Variants in ZNF416 observed in about 807,000 individuals in gnomAD.
ZNF416 encodes the protein zinc finger protein 416.
In ZNF416, 5 loss-of-function variants were observed where a neutral mutation model predicts 10.9. That is an observed-to-expected ratio of 0.46 (90% CI 0.24 to 0.97). The LOEUF is 0.97. Among genes scored for constraint, ZNF416 ranks in the 50% least tolerant of loss-of-function variants. The pLI is 0.19. For missense variants in ZNF416, 675 were observed against 715.0 expected (o/e 0.94, Z 0.64); for synonymous variants, 267 against 251.8 (o/e 1.06, Z -0.57).
In ZNF416 at chr19:57,573,094, A is replaced by T; in HGVS notation, c.810T>A (p.Tyr270Ter). 6.2e-7 allele frequency: 1 copy of T among 1,614,210 alleles called. No individual in the cohort carries two copies. The highest frequency in any genetic ancestry group is 8.5e-7 in the Non-Finnish European group (1 of 1,180,042). The change falls in exon 4 of 4, where the codon TAT becomes TAA. Residue 270 changes from tyrosine (Y) to a stop codon, truncating the protein, a stop_gained. Coordinates refer to ENST00000196489, the MANE Select transcript of ZNF416 (RefSeq NM_017879.3). LOFTEE classifies it low-confidence loss of function (END_TRUNC). ...LQRVHPGERP[Y>*]ECSECGKSFS... ...AAGATTTCCCACATTCACTGCACTC[A>T]TAAGGCCTTTCTCCAGGGTGGACTC...
rs773485756 is a variant in ZNF416 at position 57,575,770 on chromosome 19, G to A, written c.202+34C>T. ...TCTGAGGAAAAAGAGGATAGACGAA[G>A]ACCAGGACACGAGAGTGGGTGTGAG... On this transcript the variant is annotated intron_variant, in intron 3 of 3. Coordinates refer to ENST00000196489, the MANE Select transcript of ZNF416 (RefSeq NM_017879.3). This position sits in a 1 kb window ranked among gnomAD's most constrained non-coding sequence, Gnocchi z 4.4. The A allele has an allele frequency of 6.2e-7, 1 of 1,613,784 alleles. No homozygotes were observed. Among genetic ancestry groups the A allele is most frequent in the Non-Finnish European group, 8.5e-7 (1 of 1,179,754 alleles).
Position 57,573,438 on chromosome 19 carries a change from C to A in ZNF416, c.466G>T (p.Ala156Ser), listed in dbSNP as rs749086020. Residue 156 changes from alanine to serine, a missense_variant, in exon 4 of 4, where the codon GCC (alanine) becomes TCC (serine). Ala to Ser is a moderately conservative substitution (Grantham distance 99, BLOSUM62 1). Coordinates refer to ENST00000196489, the MANE Select transcript of ZNF416 (RefSeq NM_017879.3). Reference protein sequence around the residue: ...EKPLESDMDKASFVQCCLFHE... With the variant: ...EKPLESDMDKSSFVQCCLFHE... ...AACAGGCAGCACTGCACAAATGAGG[C>A]CTTGTCCATGTCACTTTCCAAGGGT... 6.2e-7 allele frequency: 1 copy of A among 1,614,256 alleles called. No individual in the cohort carries two copies. Among genetic ancestry groups the A allele is most frequent in the Admixed American group, 1.7e-5 (1 of 60,030 alleles).
In ZNF416 at chr19:57,572,982, T is replaced by C. The variant is rs764345787; in HGVS notation, c.922A>G (p.Ser308Gly). 2.2e-5 allele frequency: 36 copies of C among 1,614,068 alleles called. No individual in the cohort carries two copies. In the East Asian group the frequency reaches 7.8e-4, roughly 35 times the overall value. The change falls in exon 4 of 4, where the codon AGC (serine) becomes GGC (glycine). Residue 308 changes from serine (S) to glycine (G), a missense_variant. Transcript: ENST00000196489. This position sits in a 1 kb window ranked among gnomAD's most constrained non-coding sequence, Gnocchi z 4.5. The stretch of plus-strand genomic sequence containing the variant: ...TGTTTAATGAGGGTGGCTCTTTGGC[T>C]AAATGATTTCCCACACTGACCACAC... The part of the protein sequence containing the change: ...YVCGQCGKSF[S>G]QRATLIKHHR...
At position 57,573,633 on chromosome 19, in the gene ZNF416, C is replaced by T. The variant is rs1568607229; in HGVS notation, c.271G>A (p.Val91Ile). ...GATGGACTGGCCTCTGGAGTCCTGA[C>T]CTGAGGTACTCCTTCTACAGAAACA... ...QSVSVEGVPQ[V>I]RTPEASPSTQ... The change falls in exon 4 of 4, where the codon GTC becomes ATC. Residue 91 changes from valine to isoleucine, a missense_variant. Transcript: ENST00000196489. 26 of 1,614,182 alleles carry T rather than the reference C, an allele frequency of 1.6e-5. No individual in the cohort carries two copies. Among genetic ancestry groups the T allele is most frequent in the Non-Finnish European group, 2.0e-5 (24 of 1,180,036 alleles).
At position 57,572,101 on chromosome 19, in the gene ZNF416, G is replaced by C. The variant is rs779264552; in HGVS notation, c.*18C>G. 6.2e-7 allele frequency: 1 copy of C among 1,601,174 alleles called. No individual in the cohort carries two copies. The highest frequency in any genetic ancestry group is 8.5e-7 in the Non-Finnish European group (1 of 1,170,728). On this transcript the variant is annotated 3_prime_UTR_variant, in exon 4 of 4. Transcript: ENST00000196489. The surrounding 1 kb of genome is among the most constrained non-coding windows in gnomAD (Gnocchi z 4.5). The stretch of plus-strand genomic sequence containing the variant: ...CCCTGCAGGTCTAAGGCTTTTCTCA[G>C]GTTTGGAGTTTCAAGAGTTAAACAA...
At chr19:57,578,204 A>G in intron 1 of ZNF416, 106 bp from the exon 2 acceptor site, 7 of 1,128,448 alleles carry the variant, frequency 6.2e-6, no homozygotes, top group Non-Finnish European at 9.4e-6. Context: ...TGACTTGGTG[A>G]TGACTAAATT....
rs745482213 is a variant in ZNF416 at position 57,578,842 on chromosome 19, T to A, written c.-138A>T. ...CGCTCTGTGCCGGAGGCAGCGTTTC[T>A]AACTCAGGCGGCGTGGGCCGAGGTA... On this transcript the variant is annotated 5_prime_UTR_variant, in exon 1 of 4. It removes the in-frame stop codon of an upstream open reading frame in the 5' UTR. Transcript: ENST00000196489. 2.5e-4 allele frequency: 219 copies of A among 868,054 alleles called. No homozygotes were observed. Among genetic ancestry groups the A allele is most frequent in the Middle Eastern group, 3.8e-4 (1 of 2,612 alleles). 53.8% of individuals were successfully genotyped at this position (868,054 alleles called of 1,614,324 possible). A position where few individuals can be genotyped will look rare whatever the true frequency, so the allele number is the denominator to read the frequency against.
Position 57,575,963 on chromosome 19 carries a change from A to G in ZNF416, c.76-33T>C, listed in dbSNP as rs188100297. 3.9e-4 allele frequency: 620 copies of G among 1,606,144 alleles called. 3 individuals are homozygous for G. The African/African-American group carries it at 7.0e-3, about 18-fold the overall frequency. ...GATGGGGATAGATCTTTCCATGATC[A>G]GATTCTCTCCTAGGACCCCAAGTTC... is the stretch of plus-strand genomic sequence containing the variant. On this transcript the variant is annotated intron_variant, in intron 2 of 3. Coordinates refer to ENST00000196489, the MANE Select transcript of ZNF416 (RefSeq NM_017879.3). The surrounding 1 kb of genome is among the most constrained non-coding windows in gnomAD (Gnocchi z 4.4).
chr19:57,578,722 G>A lies in ZNF416; in HGVS notation c.-18C>T, dbSNP rs374221595. On this transcript the variant is annotated 5_prime_UTR_variant, in exon 1 of 4. Transcript: ENST00000196489. ...GCCGCCATCGGATTGTGAGCGGAGC[G>A]GGGCCGGGAGCGGCGGGCGACCCGG... The A allele has an allele frequency of 3.1e-5, 46 of 1,487,516 alleles. No individual in the cohort carries two copies. Among genetic ancestry groups the A allele is most frequent in the South Asian group, 6.5e-5 (5 of 76,520 alleles). 92.1% of individuals were successfully genotyped at this position (1,487,516 alleles called of 1,614,324 possible).
rs1978350118 is a variant in ZNF416, at chr19:57,572,832, C to T, written c.1072G>A (p.Glu358Lys). 2 of 1,614,032 alleles carry T rather than the reference C, an allele frequency of 1.2e-6. No individual in the cohort carries two copies. The highest frequency in any genetic ancestry group is 1.1e-5 in the South Asian group (1 of 91,084). Residue 358 changes from glutamate (E) to lysine (K), a missense_variant, in exon 4 of 4, where the codon GAA (glutamate) becomes AAA (lysine). By Grantham distance (56) the Glu-to-Lys change is moderately conservative. Transcript: ENST00000196489. This position sits in a 1 kb window ranked among gnomAD's most constrained non-coding sequence, Gnocchi z 4.5. ...TTGGACCCAAAGGCTTTTCCACATT[C>T]ATCACACTCATAAGGCCTTTCTCCA... is the stretch of plus-strand genomic sequence containing the variant. ...HTGERPYECD[E>K]CGKAFGSKST...
At chr19:57,576,355 ATC>A (rs1978534442) in intron 2 of ZNF416, among the ~76,000 whole-genome samples, 1 of 151,892 alleles carries the variant, frequency 6.6e-6, no homozygotes, top group African/African-American at 2.4e-5. Flanking sequence ...CTCTCAAACA[ATC>A]TCACTCCCAC....
chr19:57,574,355 G>A lies in ZNF416; in HGVS notation c.203-654C>T, dbSNP rs145046541. 1.9e-3 allele frequency among the ~76,000 whole-genome samples: 292 copies of A among 152,296 alleles called. 1 individual carries two copies. The highest frequency in any genetic ancestry group is 6.8e-3 in the African/African-American group (282 of 41,572). On this transcript the variant is annotated intron_variant, in intron 3 of 3. Coordinates refer to ENST00000196489, the MANE Select transcript of ZNF416 (RefSeq NM_017879.3). ...ACCTGCAGAAACCCCAATAAAGGCT[G>A]TGGCTTAATATTTTCCCTCCTCTCT...
Position 57,575,780 on chromosome 19 carries a change from C to T in ZNF416, c.202+24G>A, listed in dbSNP as rs766747912. On this transcript the variant is annotated intron_variant, in intron 3 of 3. Coordinates refer to ENST00000196489, the MANE Select transcript of ZNF416 (RefSeq NM_017879.3). This position sits in a 1 kb window ranked among gnomAD's most constrained non-coding sequence, Gnocchi z 4.4. ...AAGAGGATAGACGAAGACCAGGACA[C>T]GAGAGTGGGTGTGAGGGCCTTACCC... The T allele has an allele frequency of 7.4e-6, 12 of 1,613,692 alleles. No homozygotes were observed. Among genetic ancestry groups the T allele is most frequent in the Admixed American group, 5.0e-5 (3 of 59,980 alleles).
Position 57,572,933 on chromosome 19 carries a change from C to G in ZNF416, c.971G>C (p.Arg324Thr). The G allele has an allele frequency of 6.2e-7, 1 of 1,614,184 alleles. No homozygotes were observed. The change falls in exon 4 of 4, where the codon AGG (arginine) becomes ACG (threonine). Residue 324 changes from arginine to threonine, a missense_variant. Arg to Thr is a moderately conservative substitution (Grantham distance 71). Transcript: ENST00000196489. The surrounding 1 kb of genome is among the most constrained non-coding windows in gnomAD (Gnocchi z 4.5). ...IKHHRVHTGE[R>T]PYECGECGKS... Reference sequence around the variant, plus strand: ...CCCACATTCACCACACTCGTAAGGCCTTTCTCCAGTGTGAACTCTGTGATG... The same window carrying G: ...CCCACATTCACCACACTCGTAAGGCGTTTCTCCAGTGTGAACTCTGTGATG...
Position 57,575,871 on chromosome 19 carries a change from A to G in ZNF416, c.135T>C (p.Leu45=). The change falls in exon 3 of 4, where the codon CTT becomes CTC. Residue 45 remains leucine (L), a synonymous_variant. Transcript: ENST00000196489. The surrounding 1 kb of genome is among the most constrained non-coding windows in gnomAD (Gnocchi z 4.4). ...IYFSQEEWGL[L]DEAQRLLYRD... ...GGTACAGGAGCCTCTGAGCCTCATC[A>G]AGGAGCCCCCATTCTTCCTGGGAGA... 1 of 1,614,136 alleles carries G rather than the reference A, an allele frequency of 6.2e-7. No individual in the cohort carries two copies. Among genetic ancestry groups the G allele is most frequent in the African/African-American group, 1.3e-5 (1 of 75,030 alleles).
At position 57,573,579 on chromosome 19, in the gene ZNF416, A is replaced by G; in HGVS notation, c.325T>C (p.Cys109Arg). 1 of 1,614,226 alleles carries G rather than the reference A, an allele frequency of 6.2e-7. No individual in the cohort carries two copies. Among genetic ancestry groups the G allele is most frequent in the Non-Finnish European group, 8.5e-7 (1 of 1,180,036 alleles). Residue 109 changes from cysteine (C) to arginine (R), a missense_variant, in exon 4 of 4, where the codon TGT becomes CGT. Cys to Arg is a radical substitution (Grantham distance 180). Transcript: ENST00000196489. The stretch of plus-strand genomic sequence containing the variant: ...AAAATGTCGGTCAGGAATGGGACAC[A>G]CATGTCACAGGATTGAATCTTCTGG... ...STQKIQSCDM[C>R]VPFLTDILHL... is the part of the protein sequence containing the mutation.
Position 57,578,070 on chromosome 19 carries a change from A to C in ZNF416, c.62T>G (p.Met21Arg). ...SVPVTAEAKL[M>R]GFTQGCVTFE... The stretch of plus-strand genomic sequence containing the variant: ...CTCTCCACTCACCTGTGTAAAGCCC[A>C]TAAGTTTAGCTTCTGCAGTCACGGG... Residue 21 changes from methionine (M) to arginine (R), a missense_variant, in exon 2 of 4, where the codon ATG (methionine) becomes AGG (arginine). By Grantham distance (91) the Met-to-Arg change is moderately conservative. Coordinates refer to ENST00000196489, the MANE Select transcript of ZNF416 (RefSeq NM_017879.3). 1.2e-6 allele frequency: 2 copies of C among 1,614,244 alleles called. No individual in the cohort carries two copies. The highest frequency in any genetic ancestry group is 1.7e-6 in the Non-Finnish European group (2 of 1,180,042).
In ZNF416 at chr19:57,578,868, G is replaced by A. The variant is rs1288769718; in HGVS notation, c.-164C>T. On this transcript the variant is annotated 5_prime_UTR_variant, in exon 1 of 4. Coordinates refer to ENST00000196489, the MANE Select transcript of ZNF416 (RefSeq NM_017879.3). Reference sequence around the variant, plus strand: ...AACTCAGGCGGCGTGGGCCGAGGTAGAGAACCACCAAAATTACCATCTCGG... The same window carrying A: ...AACTCAGGCGGCGTGGGCCGAGGTAAAGAACCACCAAAATTACCATCTCGG... 3.4e-6 allele frequency: 2 copies of A among 595,352 alleles called. No individual in the cohort carries two copies. The highest frequency in any genetic ancestry group is 1.9e-5 in the African/African-American group (1 of 51,296). The allele number at this position is 595,352 out of a possible 1,614,324, so 36.9% of individuals were successfully genotyped here.
rs910340006 is a variant in ZNF416, at chr19:57,571,752, G to A, written c.*367C>T. The stretch of plus-strand genomic sequence containing the variant: ...GGCTGGGCCCTTCTGGCCAAAACTG[G>A]TCAGATGTATGCTGTAATCAGTCAG... On this transcript the variant is annotated 3_prime_UTR_variant, in exon 4 of 4. Coordinates refer to ENST00000196489, the MANE Select transcript of ZNF416 (RefSeq NM_017879.3). 5.5e-6 allele frequency: 1 copy of A among 181,722 alleles called. No homozygotes were observed. The highest frequency in any genetic ancestry group is 2.4e-5 in the African/African-American group (1 of 42,478). 11.3% of individuals were successfully genotyped at this position (181,722 alleles called of 1,614,324 possible). A position where few individuals can be genotyped will look rare whatever the true frequency, so the allele number is the denominator to read the frequency against.
Sources: allele counts gnomAD v4.1 joint callset (sites outside exome capture counted in the v4.1 genomes callset), GRCh38; gene constraint gnomAD v4.1.1; non-coding constraint Gnocchi (gnomAD v3.1); transcripts MANE v1.5; gene names NCBI Gene and HGNC (gene_info 2026-07-23, HGNC 2026-07-21).